Variants in PIDD1 observed in about 807,000 individuals in gnomAD.
PIDD1 encodes p53-induced death domain protein 1, also known as p53-induced death domain-containing protein 1.
A neutral mutation model predicts 80.0 loss-of-function variants in PIDD1; 72 were observed. That is an observed-to-expected ratio of 0.90 (90% CI 0.74 to 1.09). The LOEUF (loss-of-function observed/expected upper bound fraction) is 1.09, where lower values mean the gene tolerates loss of function less well. Among genes scored for constraint, PIDD1 ranks in the 50% least tolerant of loss-of-function variants. The pLI is 0.00. For synonymous variants in PIDD1, 655 were observed against 543.5 expected (o/e 1.21, Z -2.85); for missense variants, 1,329 against 1,228.3 (o/e 1.08, Z -1.23).
Position 799,823 on chromosome 11 carries a change from G to T in PIDD1, c.2466C>A (p.His822Gln). The T allele has an allele frequency of 6.3e-7, 1 of 1,583,054 alleles. No individual in the cohort carries two copies. Reference protein sequence around the residue: ...VSYREVQRIRHEFRDDLDEQI... With the variant: ...VSYREVQRIRQEFRDDLDEQI... ...GGCAGTGGGAGCCTCACCGGAACTC[G>T]TGCCGGATGCGCTGCACCTCCCGGT... Residue 822 changes from histidine to glutamine, a missense_variant, in exon 15 of 16, where the codon CAC becomes CAA. Physicochemically the swap from His to Gln is conservative, Grantham distance 24. Coordinates refer to ENST00000347755, the MANE Select transcript of PIDD1 (RefSeq NM_145886.4).
upstream of PIDD1, among the ~76,000 whole-genome samples, chr11:807,733 C>T (rs990834149): frequency 2.0e-5 from 3 of 152,068 alleles, no homozygotes; most frequent in African/African-American, 4.8e-5. Context: ...GCCAAGATCA[C>T]GCGACTGCAC....
Position 803,288 on chromosome 11 carries a change from G to T in PIDD1, c.595C>A (p.Leu199Ile), listed in dbSNP as rs1865530082. 1.2e-6 allele frequency: 2 copies of T among 1,613,738 alleles called. No homozygotes were observed. Among genetic ancestry groups the T allele is most frequent in the Non-Finnish European group, 1.7e-6 (2 of 1,179,982 alleles). ...TCCAGCAGATTCTGAGAGAGATCGA[G>T]GCGCTGCAGGGTGGATAGGGCCCCC... ...ALGALSTLQR[L>I]DLSQNLLDTL... The change falls in exon 3 of 16, where the codon CTC becomes ATC. Residue 199 changes from leucine (L) to isoleucine (I), a missense_variant. Coordinates refer to ENST00000347755, the MANE Select transcript of PIDD1 (RefSeq NM_145886.4).
rs748815139 is a variant in PIDD1 at position 803,165 on chromosome 11, G to T, written c.709+9C>A. 1.9e-6 allele frequency: 3 copies of T among 1,582,008 alleles called. No individual in the cohort carries two copies. Among genetic ancestry groups the T allele is most frequent in the Non-Finnish European group, 1.7e-6 (2 of 1,161,322 alleles). On this transcript the variant is annotated intron_variant, in intron 3 of 15. Coordinates refer to ENST00000347755, the MANE Select transcript of PIDD1 (RefSeq NM_145886.4). ...GGGGCCAGTGTGTCGGGGCGCAGGG[G>T]CTACTCACCCAGAGAGGCTGGGAGG...
Position 801,541 on chromosome 11 carries a change from T to G in PIDD1, c.1386A>C (p.Pro462=), listed in dbSNP as rs1865323321. ...SRPVSNACLV[P]PEGTLLCSSG... is the part of the protein sequence containing the mutation. ...AGGAGCACAGCAGTGTCCCCTCCGG[T>G]GGCACCAGGCAGGCATTGGACACAG... Residue 462 remains proline, a synonymous_variant, in exon 8 of 16, where the codon CCA becomes CCC. Transcript: ENST00000347755. 9 of 1,567,288 alleles carry G rather than the reference T, an allele frequency of 5.7e-6. No individual in the cohort carries two copies. The highest frequency in any genetic ancestry group is 6.9e-6 in the Non-Finnish European group (8 of 1,156,120).
At chr11:807,473 C>T (rs9737239), upstream of PIDD1, among the ~76,000 whole-genome samples, 7,149 of 142,590 alleles carry the variant, frequency 0.05, 427 homozygotes, top group East Asian at 0.27. Context: ...AGCAATACTC[C>T]GTCTCAAAAA....
chr11:802,283 G>C lies in PIDD1; in HGVS notation c.1088C>G (p.Pro363Arg). Residue 363 changes from proline to arginine, a missense_variant, in exon 6 of 16, where the codon CCG (proline) becomes CGG (arginine). Coordinates refer to ENST00000347755, the MANE Select transcript of PIDD1 (RefSeq NM_145886.4). ...ACCCAGGGGGACGAGGCCTGGCTCC[G>C]GCAGCAGCAGCCGATAGCGGATGGT... ...PITIRYRLLL[P>R]EPGLVPLGPH... is the part of the protein sequence containing the mutation. 6.2e-7 allele frequency: 1 copy of C among 1,611,908 alleles called. No individual in the cohort carries two copies. Among genetic ancestry groups the C allele is most frequent in the South Asian group, 1.1e-5 (1 of 91,058 alleles).
chr11:801,418 C>G, intron 8 of PIDD1, 27 bp downstream of exon 8: 1 of 1,568,482 alleles, frequency 6.4e-7, no homozygotes, highest in Non-Finnish European at 8.6e-7. Flanking sequence ...GCGCGGCCTG[C>G]CACCCTCAGT....
At chr11:804,574 G>GCTCTAGA in intron 1 of PIDD1, 111 bp from the exon 2 acceptor site, 1 of 1,155,226 alleles carries the variant, frequency 8.7e-7, no homozygotes, top group Non-Finnish European at 1.2e-6. Flanking sequence ...TCTGGGCCTG[G>GCTCTAGA]GCTGCAGAGT....
At position 800,466 on chromosome 11, in the gene PIDD1, T is replaced by C. The variant is rs1200341012; in HGVS notation, c.2042-15A>G. ...GTCAGGGCGGTCTAGGGGACAGGGG[T>C]GGGCTGAGCAAGGAGGGCTCGGGGA... On this transcript the variant is annotated splice_polypyrimidine_tract_variant and intron_variant, in intron 12 of 15. Coordinates refer to ENST00000347755, the MANE Select transcript of PIDD1 (RefSeq NM_145886.4). The C allele has an allele frequency of 6.2e-7, 1 of 1,611,756 alleles. No individual in the cohort carries two copies. Among genetic ancestry groups the C allele is most frequent in the South Asian group, 1.1e-5 (1 of 91,082 alleles).
chr11:801,352 G>A lies in PIDD1; in HGVS notation c.1496C>T (p.Ala499Val), dbSNP rs765601323. ...RRVSMQVVRM[A>V]GRELQALLGE... ...CAGGAGGGCCTGCAGCTCTCGGCCAGCCATGCGCACCACCTGGGGCAGACA... is the reference window on the plus strand; with the variant it reads ...CAGGAGGGCCTGCAGCTCTCGGCCAACCATGCGCACCACCTGGGGCAGACA... Residue 499 changes from alanine (A) to valine (V), a missense_variant, in exon 9 of 16, where the codon GCT becomes GTT. Transcript: ENST00000347755. 1.2e-6 allele frequency: 2 copies of A among 1,609,332 alleles called. No homozygotes were observed. Among genetic ancestry groups the A allele is most frequent in the Admixed American group, 1.7e-5 (1 of 59,558 alleles).
rs372348554 is a variant in PIDD1, at chr11:801,279, G to A, written c.1569C>T (p.Ser523=). 11 of 1,585,802 alleles carry A rather than the reference G, an allele frequency of 6.9e-6. No individual in the cohort carries two copies. The highest frequency in any genetic ancestry group is 5.4e-5 in the African/African-American group (4 of 74,102). Residue 523 remains serine (S), a synonymous_variant, in exon 9 of 16, where the codon AGC becomes AGT. Transcript: ENST00000347755. ...CCGGTTGGAGGAAGCTGGGGGGACC[G>A]CTCTGTGACAGGCACAGCAGGGGGC... ...AVSPLLCLSQ[S]GPPSFLQPVT... is the part of the protein sequence containing the mutation.
intron 2 of PIDD1, 54 bp downstream of exon 2, chr11:804,040 A>G: frequency 6.5e-7 from 1 of 1,533,914 alleles, no homozygotes; most frequent in South Asian, 1.3e-5. Context: ...AACATGCAGC[A>G]GAGGCAGGGC....
intron 2 of PIDD1, chr11:803,823 G>A (rs953436961): frequency 4.7e-6 from 3 of 632,532 alleles, no homozygotes; most frequent in Non-Finnish European, 8.2e-6. Flanking sequence ...ACCTTCCCCA[G>A]GAACAACATC....
chr11:807,037 C>CA (rs1565074050), upstream of PIDD1, among the ~76,000 whole-genome samples: 1 of 151,618 alleles, frequency 6.6e-6, no homozygotes, highest in Admixed American at 6.6e-5. Context: ...ATTAAAAATA[C>CA]AAAAATTACC....
In PIDD1 at chr11:800,227, G is replaced by T. The variant is rs754208149; in HGVS notation, c.2178C>A (p.Gly726=). The change falls in exon 14 of 16, where the codon GGC becomes GGA. Residue 726 remains glycine, a synonymous_variant. Coordinates refer to ENST00000347755, the MANE Select transcript of PIDD1 (RefSeq NM_145886.4). ...CCTCGGGCACCCGCACAGGCACCGC[G>T]CCACGGTAGAAGGACACCTGAAGGG... ...AVRGQVSFYR[G]AVPVRVPEEA... is the part of the protein sequence containing the mutation. 2 of 1,610,148 alleles carry T rather than the reference G, an allele frequency of 1.2e-6. No individual in the cohort carries two copies. Among genetic ancestry groups the T allele is most frequent in the Non-Finnish European group, 8.5e-7 (1 of 1,178,732 alleles).
Position 800,563 on chromosome 11 carries a change from C to T in PIDD1, c.2021G>A (p.Arg674His), listed in dbSNP as rs113725585. 12,222 of 1,609,098 alleles carry T rather than the reference C, an allele frequency of 7.6e-3. 55 individuals are homozygous for T. Among genetic ancestry groups the T allele is most frequent in the Non-Finnish European group, 9.2e-3 (10,898 of 1,179,618 alleles). Residue 674 changes from arginine (R) to histidine (H), a missense_variant, in exon 12 of 16, where the codon CGC becomes CAC. By Grantham distance (29) the Arg-to-His change is conservative (BLOSUM62 0). Transcript: ENST00000347755. ...CCTACCAGCATCCACGTCGATGCCG[C>T]GCTCGAAGGCCGCAAAGAACTCTTC... ...EGEEFFAAFE[R>H]GIDVDADRPD...
rs1358712809 is a variant in PIDD1 at position 804,264 on chromosome 11, A to G, written c.125T>C (p.Leu42Pro). ...CAGCTGCTGGCAGCCCCCGGGGTAC[A>G]GGTCCAAGCTCAGCCGGTTGCCGCC... ...FLGGNRLSLD[L>P]YPGGCQQLLH... Residue 42 changes from leucine to proline, a missense_variant, in exon 2 of 16, where the codon CTG becomes CCG. Physicochemically the swap from Leu to Pro is moderately conservative, Grantham distance 98. Coordinates refer to ENST00000347755, the MANE Select transcript of PIDD1 (RefSeq NM_145886.4). The G allele has an allele frequency of 1.9e-6, 3 of 1,613,056 alleles. No individual in the cohort carries two copies. Among genetic ancestry groups the G allele is most frequent in the Non-Finnish European group, 1.7e-6 (2 of 1,179,988 alleles).
chr11:805,273 A>AC, upstream of PIDD1: 1 of 959,174 alleles, frequency 1.0e-6, no homozygotes, highest in Non-Finnish European at 1.2e-6. Context: ...GGGACTGCAG[A>AC]CCCCGCCCCT....
rs748276250 is a variant in PIDD1, at chr11:803,361, G to A, written c.522C>T (p.Thr174=). The part of the protein sequence containing the change: ...PEALGALPAL[T]FLTVTHNRLQ... ...GGCGGTTGTGTGTCACTGTGAGGAAGGTGAGGGCGGGGAGGGCCCCCAGAG... is the reference window on the plus strand; with the variant it reads ...GGCGGTTGTGTGTCACTGTGAGGAAAGTGAGGGCGGGGAGGGCCCCCAGAG... Residue 174 remains threonine (T), a synonymous_variant, in exon 3 of 16, where the codon ACC becomes ACT. Transcript: ENST00000347755. 2.1e-5 allele frequency: 34 copies of A among 1,613,848 alleles called. 2 individuals carry two copies. The South Asian group carries it at 3.3e-4, about 16-fold the overall frequency.
Sources: allele counts gnomAD v4.1 joint callset (sites outside exome capture counted in the v4.1 genomes callset), GRCh38; gene constraint gnomAD v4.1.1; transcripts MANE v1.5; gene names NCBI Gene and HGNC (gene_info 2026-07-23, HGNC 2026-07-21).